CPLX4: variants seen among roughly 807,000 people sequenced by gnomAD.
CPLX4 encodes the protein complexin 4.
CPLX4 carries 17 observed loss-of-function variants against 16.1 expected under a neutral mutation model. The ratio of observed to expected loss-of-function variants is 1.06; its 90% CI spans 0.72 to 1.59. CPLX4 has a LOEUF of 1.59. CPLX4 is among the 40% of genes most tolerant of loss of function. The probability of loss-of-function intolerance (pLI) is 0.00; values close to 1 mark genes in which losing one functional copy is unlikely to be tolerated. For synonymous variants in CPLX4, 55 were observed against 57.8 expected, an observed-to-expected ratio of 0.95 and a Z score of 0.22; for missense variants, 193 against 192.9, an observed-to-expected ratio of 1.00 and a Z score of 0.00.
intron 2 of CPLX4, among the ~76,000 whole-genome samples, chr18:59,298,722 C>A (rs1468299097): frequency 6.6e-6 from 1 of 152,122 alleles, no homozygotes; most frequent in Non-Finnish European, 1.5e-5. Flanking sequence ...AACAGCACAC[C>A]AGGTAACCTG....
At chr18:59,314,156 G>C (rs994900211) in intron 1 of CPLX4, among the ~76,000 whole-genome samples, 1 of 152,066 alleles carries the variant, frequency 6.6e-6, no homozygotes, top group South Asian at 2.1e-4. Flanking sequence ...AGAGAACATC[G>C]GGTTCAACCT....
intron 1 of CPLX4, 128 bp from the exon 2 acceptor site, chr18:59,312,900 T>C: frequency 1.9e-6 from 1 of 520,090 alleles, no homozygotes; most frequent in Non-Finnish European, 3.4e-6. Flanking sequence ...TTGGGAACTA[T>C]GGGATTTTTT....
intron 2 of CPLX4, among the ~76,000 whole-genome samples, chr18:59,304,571 T>A (rs1055506970): frequency 6.6e-6 from 1 of 152,070 alleles, no homozygotes; most frequent in Non-Finnish European, 1.5e-5. Flanking sequence ...TTTGGGCATT[T>A]TATTTTATTT....
Position 59,297,046 on chromosome 18 carries a change from G to T in CPLX4, c.256-121C>A, listed in dbSNP as rs897366276. The stretch of plus-strand genomic sequence containing the variant: ...AATACAGGAAGTGAGTGGCACTCTT[G>T]GCCTTGCAGCAGAGCCTGGTCCTGA... On this transcript the variant is annotated intron_variant, in intron 2 of 2. Transcript: ENST00000299721. 2.8e-6 allele frequency: 4 copies of T among 1,440,836 alleles called. No homozygotes were observed. In the African/African-American group the frequency reaches 5.8e-5, roughly 21 times the overall value. 89.3% of individuals were successfully genotyped at this position (1,440,836 alleles called of 1,614,324 possible).
intron 2 of CPLX4, among the ~76,000 whole-genome samples, chr18:59,308,806 C>G (rs1256019067): frequency 1.3e-5 from 2 of 152,210 alleles, no homozygotes; most frequent in Non-Finnish European, 2.9e-5. Flanking sequence ...TGTCTGTCCC[C>G]CGCAGCCTCT....
At chr18:59,307,743 T>C (rs2070586575) in intron 2 of CPLX4, among the ~76,000 whole-genome samples, 1 of 132,522 alleles carries the variant, frequency 7.5e-6, no homozygotes, top group African/African-American at 3.0e-5. Flanking sequence ...ATCCCCACTG[T>C]GTTTTTCTGA....
chr18:59,300,469 G>A (rs537048), intron 2 of CPLX4, among the ~76,000 whole-genome samples: 42,550 of 152,082 alleles, frequency 0.28, 6,959 homozygotes, highest in African/African-American at 0.45. Flanking sequence ...CTCTGTTTTC[G>A]TAGCTATCGG....
chr18:59,304,621 G>C (rs547459198), intron 2 of CPLX4, among the ~76,000 whole-genome samples: 8 of 151,938 alleles, frequency 5.3e-5, no homozygotes, highest in Non-Finnish European at 1.2e-4. Flanking sequence ...TGCCAGGCTG[G>C]AGTGCAGTGG....
Position 59,318,361 on chromosome 18 carries a change from A to C in CPLX4, c.102T>G (p.Pro34=), listed in dbSNP as rs111791390. The change falls in exon 1 of 3, where the codon CCT becomes CCG. Residue 34 remains proline, a synonymous_variant. Coordinates refer to ENST00000299721, the MANE Select transcript of CPLX4 (RefSeq NM_181654.4). ...CTCTAGTCATCCCTTGAGCTGCTGC[A>C]GGATCAGATGCACCTCCTTCTTCTT... The part of the protein sequence containing the change: ...ENKEEGGASD[P]AAAQGMTREE... 3.2e-5 allele frequency: 51 copies of C among 1,613,854 alleles called. No homozygotes were observed. The highest frequency in any genetic ancestry group is 1.6e-4 in the Middle Eastern group (1 of 6,084).
At chr18:59,315,697 C>T (rs139214594) in intron 1 of CPLX4, among the ~76,000 whole-genome samples, 1 of 152,196 alleles carries the variant, frequency 6.6e-6, no homozygotes, top group East Asian at 1.9e-4. Flanking sequence ...TGATGCATGA[C>T]AAATTAATTT....
At chr18:59,303,112 C>T (rs1249134125) in intron 2 of CPLX4, among the ~76,000 whole-genome samples, 4 of 152,132 alleles carry the variant, frequency 2.6e-5, no homozygotes, top group African/African-American at 9.7e-5. Flanking sequence ...AGGCTGCTGC[C>T]CTCAGAAGCT....
chr18:59,315,312 T>C (rs2070644455), intron 1 of CPLX4, among the ~76,000 whole-genome samples: 1 of 152,224 alleles, frequency 6.6e-6, no homozygotes, highest in African/African-American at 2.4e-5. Context: ...TCCAGTAAGA[T>C]TTTCATGTAC....
chr18:59,299,451 G>T (rs538535004), intron 2 of CPLX4, among the ~76,000 whole-genome samples: 2 of 152,208 alleles, frequency 1.3e-5, no homozygotes, highest in African/African-American at 4.8e-5. Flanking sequence ...GGCTTGCAGG[G>T]ATGGGCAGCT....
At chr18:59,297,855 G>A (rs79924213) in intron 2 of CPLX4, among the ~76,000 whole-genome samples, 114 of 152,250 alleles carry the variant, frequency 7.5e-4, no homozygotes, top group Middle Eastern at 3.4e-3. Context: ...CAGGGAGCCC[G>A]TCATGGGCTC....
chr18:59,304,459 A>G (rs549444761), intron 2 of CPLX4, among the ~76,000 whole-genome samples: 1 of 152,366 alleles, frequency 6.6e-6, no homozygotes, highest in Admixed American at 6.5e-5. Context: ...TGTTTTATAC[A>G]AAACTACAAT....
chr18:59,301,860 A>G lies in CPLX4; in HGVS notation c.256-4935T>C, dbSNP rs151199151. Among the ~76,000 whole-genome samples, 319 of 152,366 alleles carry G rather than the reference A, an allele frequency of 2.1e-3. 1 individual carries two copies. Among genetic ancestry groups the G allele is most frequent in the African/African-American group, 7.4e-3 (306 of 41,588 alleles). On this transcript the variant is annotated intron_variant, in intron 2 of 2. Transcript: ENST00000299721. ...AGTCAACTTATGTTTCTGATGTCCA[A>G]TGGAAGGGCCACTTAGAGGACTGTT...
chr18:59,297,999 T>A (rs537575103), intron 2 of CPLX4, among the ~76,000 whole-genome samples: 4 of 152,354 alleles, frequency 2.6e-5, no homozygotes, highest in Non-Finnish European at 5.9e-5. Context: ...TTGCTGACGC[T>A]GTCACAAGCG....
intron 1 of CPLX4, among the ~76,000 whole-genome samples, chr18:59,316,588 C>T (rs867339352): frequency 3.9e-5 from 6 of 152,208 alleles, no homozygotes; most frequent in Admixed American, 6.5e-5. Flanking sequence ...CCAAATGCTC[C>T]ATTGTCCTGA....
At chr18:59,302,509 A>G (rs1224145840) in intron 2 of CPLX4, among the ~76,000 whole-genome samples, 1 of 152,248 alleles carries the variant, frequency 6.6e-6, no homozygotes, top group Admixed American at 6.5e-5. Context: ...AGATCGTCTC[A>G]TTTCTAGAAA....
Sources: allele counts gnomAD v4.1 joint callset (sites outside exome capture counted in the v4.1 genomes callset), GRCh38; gene constraint gnomAD v4.1.1; transcripts MANE v1.5; gene names NCBI Gene and HGNC (gene_info 2026-07-23, HGNC 2026-07-21).